The following SUZ12 variants were observed in gnomAD, a reference collection of about 807,000 sequenced individuals.
The protein encoded by SUZ12 is SUZ12 polycomb repressive complex 2 subunit.
Under a neutral mutation model 87.3 loss-of-function variants are expected in SUZ12, and 17 were observed. That is an observed-to-expected ratio of 0.19 (90% CI 0.13 to 0.29). The LOEUF is 0.29. Among genes scored for constraint, SUZ12 ranks in the 10% least tolerant of loss-of-function variants. The probability of loss-of-function intolerance (pLI) is 1.00; values close to 1 mark genes in which losing one functional copy is unlikely to be tolerated. For synonymous variants in SUZ12, 253 were observed against 312.4 expected (o/e 0.81, Z 2.01); for missense variants, 526 against 912.2 (o/e 0.58, Z 5.45).
intron 14 of SUZ12, 77 bp downstream of exon 14, chr17:31,995,839 T>A: frequency 9.4e-7 from 1 of 1,064,448 alleles, no homozygotes; most frequent in Non-Finnish European, 1.3e-6. Flanking sequence ...TGAACTAGAC[T>A]TTTATTGTAA....
At chr17:31,940,741 G>T (rs896096706) in intron 3 of SUZ12, among the ~76,000 whole-genome samples, 21 of 151,624 alleles carry the variant, frequency 1.4e-4, no homozygotes, top group African/African-American at 5.1e-4. Context: ...GGCTGGGTGT[G>T]GTGGCTCATA....
intron 5 of SUZ12, among the ~76,000 whole-genome samples, chr17:31,969,886 T>A (rs757174908): frequency 3.5e-4 from 53 of 151,914 alleles, no homozygotes; most frequent in Non-Finnish European, 6.0e-4. Flanking sequence ...GAAAAAAAAA[T>A]TTTTAATTCT....
chr17:31,942,987 A>C (rs1463532109), intron 3 of SUZ12, among the ~76,000 whole-genome samples: 1 of 152,234 alleles, frequency 6.6e-6, no homozygotes, highest in African/African-American at 2.4e-5. Context: ...CTGTTTATTA[A>C]GTAGGTATCA....
intron 9 of SUZ12, among the ~76,000 whole-genome samples, 195 bp downstream of exon 9, chr17:31,983,299 G>A (rs1909220674): frequency 7.4e-6 from 1 of 136,054 alleles, no homozygotes; most frequent in South Asian, 2.2e-4. Flanking sequence ...TTTTTGAGGG[G>A]GAGTCTTGCT....
At chr17:31,973,591 C>T (rs1423863848) in intron 6 of SUZ12, among the ~76,000 whole-genome samples, 1 of 152,140 alleles carries the variant, frequency 6.6e-6, no homozygotes, top group African/African-American at 2.4e-5. Context: ...AGAGTTTTTT[C>T]CACAAGATTA....
chr17:31,955,722 T>C (rs1195322890), intron 4 of SUZ12, among the ~76,000 whole-genome samples: 2 of 151,716 alleles, frequency 1.3e-5, no homozygotes, highest in Non-Finnish European at 2.9e-5. Context: ...CACTCCAGCA[T>C]GGGCGACAGA....
intron 12 of SUZ12, chr17:31,994,339 A>T (rs1909863652): frequency 2.1e-6 from 1 of 465,688 alleles, no homozygotes; most frequent in Non-Finnish European, 3.7e-6. Context: ...ATTCTTGCTC[A>T]ACCAAGAAAT....
rs542795912 is a variant in SUZ12 at position 31,942,992 on chromosome 17, G to T, written c.386+2506G>T. On this transcript the variant is annotated intron_variant, in intron 3 of 15. Transcript: ENST00000322652. ...TGGACTGCTACTGTTTATTAAGTAGGTATCACATTTCTATAGCAAGACATA... is the reference window on the plus strand; with the variant it reads ...TGGACTGCTACTGTTTATTAAGTAGTTATCACATTTCTATAGCAAGACATA... 1.1e-4 allele frequency among the ~76,000 whole-genome samples: 16 copies of T among 152,310 alleles called. No individual in the cohort carries two copies. The East Asian group carries it at 3.1e-3, about 29-fold the overall frequency.
In SUZ12 at chr17:31,999,563, A is replaced by T. The variant is rs1910153522; in HGVS notation, c.*560A>T. On this transcript the variant is annotated 3_prime_UTR_variant, in exon 16 of 16. Coordinates refer to ENST00000322652, the MANE Select transcript of SUZ12 (RefSeq NM_015355.4). ...TTGTCAATTCGGAATGAAAAATTAT[A>T]ATGTAATTTTACATTACATAAGTTC... The T allele has an allele frequency of 4.3e-6, 1 of 231,354 alleles. No homozygotes were observed. The highest frequency in any genetic ancestry group is 6.2e-5 in the East Asian group (1 of 16,198). 14.3% of individuals were successfully genotyped at this position (231,354 alleles called of 1,614,324 possible).
chr17:31,998,544 T>G, intron 15 of SUZ12, 114 bp from the exon 16 acceptor site: 1 of 720,380 alleles, frequency 1.4e-6, no homozygotes, highest in African/African-American at 1.8e-5. Flanking sequence ...TACTGCTTCT[T>G]TAATCATCTT....
At chr17:31,985,357 G>C (rs1390308078) in intron 9 of SUZ12, among the ~76,000 whole-genome samples, 1 of 151,390 alleles carries the variant, frequency 6.6e-6, no homozygotes, top group African/African-American at 2.4e-5. Flanking sequence ...TTAGAAACAT[G>C]TTAAATCTAA....
rs1310327838 is a variant in SUZ12 at position 32,000,863 on chromosome 17, C to A, written c.*1860C>A. 9.0e-6 allele frequency: 2 copies of A among 223,122 alleles called. No individual in the cohort carries two copies. Among genetic ancestry groups the A allele is most frequent in the Non-Finnish European group, 1.8e-5 (2 of 111,702 alleles). 13.8% of individuals were successfully genotyped at this position (223,122 alleles called of 1,614,324 possible). A position where few individuals can be genotyped will look rare whatever the true frequency, so the allele number is the denominator to read the frequency against. ...TTTGTTTCTATTTATAAAAAAAGTG[C>A]TTTTCTATATGTACCCTTGATAACA... is the stretch of plus-strand genomic sequence containing the variant. On this transcript the variant is annotated 3_prime_UTR_variant, in exon 16 of 16. Coordinates refer to ENST00000322652, the MANE Select transcript of SUZ12 (RefSeq NM_015355.4).
intron 15 of SUZ12, 36 bp downstream of exon 15, chr17:31,996,913 A>G (rs1328087242): frequency 5.6e-6 from 7 of 1,255,548 alleles, no homozygotes; most frequent in Non-Finnish European, 7.4e-6. Context: ...ATATTTTATT[A>G]TTCTTTATGG....
chr17:31,942,578 C>T (rs1906367904), intron 3 of SUZ12, among the ~76,000 whole-genome samples: 1 of 152,062 alleles, frequency 6.6e-6, no homozygotes, highest in Non-Finnish European at 1.5e-5. Context: ...CTCAGGTGAT[C>T]CACTCACCGT....
intron 4 of SUZ12, among the ~76,000 whole-genome samples, chr17:31,948,386 T>C (rs1906760320): frequency 1.3e-5 from 2 of 152,184 alleles, no homozygotes; most frequent in Non-Finnish European, 2.9e-5. Context: ...AAACAGCAGC[T>C]TGGGTGGTGT....
intron 1 of SUZ12, 39 bp downstream of exon 1, chr17:31,937,559 T>G: frequency 6.5e-7 from 1 of 1,529,024 alleles, no homozygotes; most frequent in Non-Finnish European, 8.7e-7. Context: ...GAAGACCCAC[T>G]CTGCCAACAC....
chr17:31,969,343 C>T (rs1384629345), intron 5 of SUZ12, among the ~76,000 whole-genome samples: 1 of 152,160 alleles, frequency 6.6e-6, no homozygotes, highest in Non-Finnish European at 1.5e-5. Flanking sequence ...GATGGGGTTT[C>T]TCCACGTTGG....
chr17:31,943,899 T>C (rs1239331023), intron 3 of SUZ12, among the ~76,000 whole-genome samples: 2 of 151,948 alleles, frequency 1.3e-5, no homozygotes, highest in Non-Finnish European at 2.9e-5. Context: ...GGTTTCACCA[T>C]GTTGGTCAGG....
Position 31,937,299 on chromosome 17 carries a change from C to T in SUZ12, c.53C>T (p.Ala18Val), listed in dbSNP as rs531045136. Residue 18 changes from alanine (A) to valine (V), a missense_variant, in exon 1 of 16, where the codon GCG becomes GTG. Physicochemically the swap from Ala to Val is moderately conservative, Grantham distance 64. Around this residue, in one of 9 missense-constraint regions of SUZ12, gnomAD observed 92 missense variants for 109.9 expected, o/e 0.84. Transcript: ENST00000322652. ...GGGGGGSGPS[A>V]GSGGGGFGGS... ...GGAGGGGGCGGCTCGGGGCCCAGCGCGGGGTCCGGGGGAGGCGGCTTCGGG... is the reference window on the plus strand; with the variant it reads ...GGAGGGGGCGGCTCGGGGCCCAGCGTGGGGTCCGGGGGAGGCGGCTTCGGG... 148 of 1,399,772 alleles carry T rather than the reference C, an allele frequency of 1.1e-4. 1 individual carries two copies. The South Asian group carries it at 1.8e-3, about 17-fold the overall frequency. The allele number at this position is 1,399,772 out of a possible 1,614,324, so 86.7% of individuals were successfully genotyped here. A position where few individuals can be genotyped will look rare whatever the true frequency, so the allele number is the denominator to read the frequency against.
Sources: allele counts gnomAD v4.1 joint callset (sites outside exome capture counted in the v4.1 genomes callset), GRCh38; gene constraint gnomAD v4.1.1; regional missense constraint gnomAD v4.1.1; transcripts MANE v1.5; gene names NCBI Gene and HGNC (gene_info 2026-07-23, HGNC 2026-07-21).